Variants in TBC1D5 observed in about 807,000 individuals in gnomAD.
TBC1D5 encodes TBC1 domain family, member 5.
TBC1D5 carries 75 observed loss-of-function variants against 100.3 expected under a neutral mutation model. The ratio of observed to expected loss-of-function variants is 0.75; its 90% CI spans 0.62 to 0.91. TBC1D5 has a LOEUF of 0.91. Ranked by LOEUF, TBC1D5 falls within the 40% of genes least tolerant of loss-of-function variation. The probability of loss-of-function intolerance (pLI) is 0.00; values close to 1 mark genes in which losing one functional copy is unlikely to be tolerated. For missense variants in TBC1D5, 910 were observed against 942.4 expected (o/e 0.97, Z 0.45); for synonymous variants, 323 against 325.6 (o/e 0.99, Z 0.09).
chr3:17,563,446 G>A (rs1363840203), intron 2 of TBC1D5, among the ~76,000 whole-genome samples: 1 of 152,090 alleles, frequency 6.6e-6, no homozygotes, highest in Non-Finnish European at 1.5e-5. Flanking sequence ...CAATGAATCA[G>A]GAAAATCAGG....
rs146896871 is a variant in TBC1D5 at position 17,720,723 on chromosome 3, G to T, written c.-101+18620C>A. Among the ~76,000 whole-genome samples the T allele has an allele frequency of 1.9e-3, 284 of 152,250 alleles. 1 individual carries two copies. Among genetic ancestry groups the T allele is most frequent in the African/African-American group, 6.5e-3 (272 of 41,546 alleles). ...TATTTCAGAGGATCACTTGAGTGGG[G>T]AGGATCTCCTGAGCCTGGGAAATCA... is the stretch of plus-strand genomic sequence containing the variant. On this transcript the variant is annotated intron_variant, in intron 1 of 21. Transcript: ENST00000253692.
intron 1 of TBC1D5, among the ~76,000 whole-genome samples, chr3:17,679,866 G>A (rs2069200228): frequency 6.6e-6 from 1 of 151,418 alleles, no homozygotes; most frequent in African/African-American, 2.5e-5. Context: ...TGTAGTCTGA[G>A]ACTAGCTGAC....
intron 17 of TBC1D5, among the ~76,000 whole-genome samples, chr3:17,217,299 A>T (rs946615747): frequency 6.6e-6 from 1 of 152,114 alleles, no homozygotes; most frequent in African/African-American, 2.4e-5. Flanking sequence ...TAGCTTATAC[A>T]CATTTTTGGC....
At chr3:17,211,900 G>A (rs2073034298) in intron 18 of TBC1D5, among the ~76,000 whole-genome samples, 1 of 152,156 alleles carries the variant, frequency 6.6e-6, no homozygotes. Context: ...GTTCCTACAT[G>A]TTGAAGGGAT....
chr3:17,162,636 C>T (rs2066179954), intron 21 of TBC1D5, among the ~76,000 whole-genome samples: 1 of 150,990 alleles, frequency 6.6e-6, no homozygotes, highest in Non-Finnish European at 1.5e-5. Context: ...CAAAGAAAAA[C>T]ATAGCACACG....
At chr3:17,354,795 A>T (rs2091038133) in intron 13 of TBC1D5, among the ~76,000 whole-genome samples, 1 of 152,016 alleles carries the variant, frequency 6.6e-6, no homozygotes, top group African/African-American at 2.4e-5. Context: ...CAAAGTGCAT[A>T]ATTACCGTGT....
At chr3:17,394,621 T>C (rs1475352522) in intron 8 of TBC1D5, among the ~76,000 whole-genome samples, 1 of 152,050 alleles carries the variant, frequency 6.6e-6, no homozygotes, top group Non-Finnish European at 1.5e-5. Context: ...AGAAGATAAT[T>C]ACAATAAAAT....
At chr3:17,636,662 G>A (rs1176695037) in intron 1 of TBC1D5, among the ~76,000 whole-genome samples, 2 of 151,916 alleles carry the variant, frequency 1.3e-5, no homozygotes, top group Admixed American at 1.3e-4. Flanking sequence ...TTAGCCAGGC[G>A]TGGTGGCAGG....
At chr3:17,171,854 A>G (rs1257061273) in intron 19 of TBC1D5, among the ~76,000 whole-genome samples, 1 of 152,186 alleles carries the variant, frequency 6.6e-6, no homozygotes, top group Admixed American at 6.5e-5. Flanking sequence ...TCCTTCAATA[A>G]AAGACAATGC....
chr3:17,256,404 T>C (rs1348147220), intron 16 of TBC1D5, among the ~76,000 whole-genome samples: 9 of 146,760 alleles, frequency 6.1e-5, no homozygotes, highest in African/African-American at 2.0e-4. Flanking sequence ...ATAATATATA[T>C]ATAAACTCAT....
chr3:17,200,974 T>A (rs2071392277), intron 18 of TBC1D5, among the ~76,000 whole-genome samples: 1 of 152,226 alleles, frequency 6.6e-6, no homozygotes. Flanking sequence ...TCTGTGTAAA[T>A]GACTTGGTGT....
chr3:17,365,942 A>G (rs2092095523), intron 13 of TBC1D5, among the ~76,000 whole-genome samples: 1 of 152,144 alleles, frequency 6.6e-6, no homozygotes, highest in Admixed American at 6.6e-5. Context: ...TTCCTCATCA[A>G]CAAAATGGGG....
intron 3 of TBC1D5, among the ~76,000 whole-genome samples, chr3:17,453,943 G>T (rs994302081): frequency 6.6e-5 from 10 of 152,142 alleles, no homozygotes; most frequent in African/African-American, 9.7e-5. Context: ...TCTCAGAGAT[G>T]CAAGTATAAA....
chr3:17,337,393 A>C (rs1375472039), intron 13 of TBC1D5: 1 of 152,136 alleles, frequency 6.6e-6, no homozygotes, highest in Non-Finnish European at 1.5e-5. Flanking sequence ...GTTACGTTGT[A>C]CTTGGTGAAC....
chr3:17,195,857 T>C (rs1401793123), intron 18 of TBC1D5, among the ~76,000 whole-genome samples: 2 of 152,150 alleles, frequency 1.3e-5, no homozygotes, highest in African/African-American at 2.4e-5. Context: ...TTTATTCATA[T>C]GCCTATCATA....
chr3:17,365,024 T>A (rs2092015120), intron 13 of TBC1D5, among the ~76,000 whole-genome samples: 1 of 152,232 alleles, frequency 6.6e-6, no homozygotes, highest in South Asian at 2.1e-4. Context: ...ACTGATGAAT[T>A]ATGTAAACTT....
Position 17,285,399 on chromosome 3 carries a change from T to C in TBC1D5, c.1245+6496A>G, listed in dbSNP as rs375682759. 7.3e-4 allele frequency among the ~76,000 whole-genome samples: 110 copies of C among 151,392 alleles called. No individual in the cohort carries two copies. In the East Asian group the frequency reaches 0.019, roughly 26 times the overall value. On this transcript the variant is annotated intron_variant, in intron 15 of 21. Coordinates refer to ENST00000253692, the Ensembl canonical transcript of TBC1D5. The stretch of plus-strand genomic sequence containing the variant: ...CCTCAGCCTCCCGAGTAGCTGGGAC[T>C]ACAGGCGCCCGCTACCACGCCCGGC...
At chr3:17,396,254 G>A (rs1453938083) in intron 8 of TBC1D5, among the ~76,000 whole-genome samples, 1 of 152,004 alleles carries the variant, frequency 6.6e-6, no homozygotes, top group Non-Finnish European at 1.5e-5. Flanking sequence ...TCCACCTCGA[G>A]GAGACTGAAA....
At chr3:17,157,667 A>G (rs966294956) in exon 22 of TBC1D5, 6 of 152,288 alleles carry the variant, frequency 3.9e-5, no homozygotes, top group African/African-American at 1.4e-4. Context: ...AGTCCTCCGT[A>G]CACACTCCTG....
Sources: gnomAD v4.1 joint callset for allele counts (sites outside exome capture counted in the v4.1 genomes callset) on GRCh38, gnomAD v4.1.1 for gene constraint, MANE v1.5 for transcripts, NCBI Gene and HGNC (gene_info 2026-07-23, HGNC 2026-07-21) for gene names.